The following ACACB variants were observed in gnomAD, a reference collection of about 807,000 sequenced individuals.
ACACB encodes the protein acetyl-CoA carboxylase beta, also known as acetyl-CoA carboxylase 2.
ACACB carries 209 observed loss-of-function variants against 278.8 expected under a neutral mutation model. The observed-to-expected ratio is 0.75, with a 90% CI of 0.67 to 0.84. ACACB has a LOEUF of 0.84. Among genes scored for constraint, ACACB ranks in the 40% least tolerant of loss-of-function variants. ACACB has a pLI of 0.00. For missense variants in ACACB, 2,850 were observed against 3,269.0 expected (o/e 0.87, Z 3.13); for synonymous variants, 1,174 against 1,285.6 (o/e 0.91, Z 1.86).
In ACACB at chr12:109,237,348, G is replaced by A. The variant is rs374544605; in HGVS notation, c.4630G>A (p.Ala1544Thr). The A allele has an allele frequency of 1.1e-5, 18 of 1,613,996 alleles. No individual in the cohort carries two copies. Among genetic ancestry groups the A allele is most frequent in the African/African-American group, 4.0e-5 (3 of 74,898 alleles). ...GACGGACCATAGGTTCTTCATCCGCGCCATCATCAGGCACTCTGACCTGAT... is the reference window on the plus strand; with the variant it reads ...GACGGACCATAGGTTCTTCATCCGCACCATCATCAGGCACTCTGACCTGAT... Reference protein sequence around the residue: ...EVTDHRFFIRAIIRHSDLITK... With the variant: ...EVTDHRFFIRTIIRHSDLITK... Residue 1544 changes from alanine (A) to threonine (T), a missense_variant, in exon 34 of 53, where the codon GCC becomes ACC. Transcript: ENST00000338432.
intron 48 of ACACB, among the ~76,000 whole-genome samples, chr12:109,261,084 C>A (rs1382503241): frequency 6.6e-6 from 1 of 152,184 alleles, no homozygotes; most frequent in East Asian, 1.9e-4. Context: ...GGAGAGGTAA[C>A]CTCCTTGGCA....
At chr12:109,121,771 A>G (rs2042554844) in intron 1 of ACACB, among the ~76,000 whole-genome samples, 7 of 152,154 alleles carry the variant, frequency 4.6e-5, no homozygotes. Flanking sequence ...GCAAGTGTTC[A>G]CTGACCCTGA....
intron 11 of ACACB, among the ~76,000 whole-genome samples, chr12:109,180,831 A>T (rs964953717): frequency 2.0e-5 from 3 of 152,122 alleles, no homozygotes; most frequent in African/African-American, 7.2e-5. Flanking sequence ...TATTCCAATT[A>T]TACTCTTTTA....
At chr12:109,156,308 C>G (rs531462765) in intron 2 of ACACB, among the ~76,000 whole-genome samples, 2 of 151,920 alleles carry the variant, frequency 1.3e-5, no homozygotes, top group South Asian at 4.2e-4. Context: ...GGCAGGAGAA[C>G]TGCTTGAACT....
chr12:109,139,277 C>T (rs888333193), intron 1 of ACACB, 120 bp from the exon 2 acceptor site: 23 of 907,326 alleles, frequency 2.5e-5, no homozygotes, highest in African/African-American at 1.2e-4. Context: ...CCATCTCTCC[C>T]CTCGTCCAGT....
Position 109,166,989 on chromosome 12 carries a change from A to G in ACACB, c.782A>G (p.Glu261Gly). ...CGCTTTGGGGGGGATCGGGTCATCGAGAAGGTACAGATGGGTCTCGGCACT... is the reference window on the plus strand; with the variant it reads ...CGCTTTGGGGGGGATCGGGTCATCGGGAAGGTACAGATGGGTCTCGGCACT... ...VTRFGGDRVIEKVLIANNGIA... is the reference protein window; with the variant it reads ...VTRFGGDRVIGKVLIANNGIA... The change falls in exon 3 of 53, where the codon GAG (glutamate) becomes GGG (glycine). Residue 261 changes from glutamate (E) to glycine (G), a missense_variant. Coordinates refer to ENST00000338432, the MANE Select transcript of ACACB (RefSeq NM_001093.4). The G allele has an allele frequency of 6.2e-7, 1 of 1,613,686 alleles. No individual in the cohort carries two copies. The highest frequency in any genetic ancestry group is 8.5e-7 in the Non-Finnish European group (1 of 1,179,928).
intron 28 of ACACB, among the ~76,000 whole-genome samples, chr12:109,230,166 T>G (rs905964350): frequency 1.3e-5 from 2 of 152,222 alleles, no homozygotes; most frequent in Admixed American, 6.5e-5. Context: ...AAAATAACTT[T>G]CTTTTCCTGT....
Position 109,262,950 on chromosome 12 carries a change from T to TTTTATATATATATATATATATA in ACACB, c.6787+482_6787+483insTTATATATATATATATATATAT, listed in dbSNP as rs1346750205. 7.2e-3 allele frequency: 448 copies of TTTTATATATATATATATATATA among 62,490 alleles called. 42 individuals are homozygous for TTTTATATATATATATATATATA. Among genetic ancestry groups the TTTTATATATATATATATATATA allele is most frequent in the Non-Finnish European group, 0.014 (361 of 25,650 alleles). The allele number at this position is 62,490 out of a possible 1,614,324, so 3.9% of individuals were successfully genotyped here. A position where few individuals can be genotyped will look rare whatever the true frequency, so the allele number is the denominator to read the frequency against. On this transcript the variant is annotated intron_variant, in intron 49 of 52. Transcript: ENST00000338432. ...CATTTCTAAATCAACCTTTTTAACA[T>TTTTATATATATATATATATATA]TATATATATATATATATATATATAT... is the stretch of plus-strand genomic sequence containing the variant.
intron 24 of ACACB, among the ~76,000 whole-genome samples, chr12:109,220,371 G>A (rs531046287): frequency 3.3e-5 from 5 of 152,120 alleles, no homozygotes; most frequent in African/African-American, 9.7e-5. Context: ...TGATTATTTC[G>A]AAATGAATTT....
intron 2 of ACACB, among the ~76,000 whole-genome samples, chr12:109,165,121 G>A (rs2043856117): frequency 6.6e-6 from 1 of 152,052 alleles, no homozygotes; most frequent in Admixed American, 6.6e-5. Context: ...ACTACTGGAG[G>A]ATATGCCCCA....
At chr12:109,200,289 T>A (rs758237296) in intron 18 of ACACB, among the ~76,000 whole-genome samples, 4 of 151,946 alleles carry the variant, frequency 2.6e-5, no homozygotes, top group African/African-American at 9.7e-5. Flanking sequence ...GCTCAAGTGA[T>A]CCTCCCACCT....
chr12:109,161,980 C>CTT (rs373338646), intron 2 of ACACB, among the ~76,000 whole-genome samples: 22 of 139,762 alleles, frequency 1.6e-4, no homozygotes, highest in South Asian at 2.3e-4. Context: ...ATGAAGTTCT[C>CTT]TTTTTTTTTT....
Position 109,254,309 on chromosome 12 carries a change from G to A in ACACB, c.6141G>A (p.Trp2047Ter), listed in dbSNP as rs749234124. 1 of 1,611,726 alleles carries A rather than the reference G, an allele frequency of 6.2e-7. No individual in the cohort carries two copies. The highest frequency in any genetic ancestry group is 1.7e-5 in the Admixed American group (1 of 59,806). The change falls in exon 44 of 53, where the codon TGG becomes TGA. Residue 2047 changes from tryptophan (W) to a stop codon, truncating the protein, a stop_gained. Coordinates refer to ENST00000338432, the MANE Select transcript of ACACB (RefSeq NM_001093.4). LOFTEE classifies it high-confidence loss of function. ...LPSRAPYDPR[W>*]MLAGRPHPTL... ...CCAGAGCTCCCTACGACCCCCGGTGGATGCTTGCAGGAAGGCCTCACCCAA... is the reference window on the plus strand; with the variant it reads ...CCAGAGCTCCCTACGACCCCCGGTGAATGCTTGCAGGAAGGCCTCACCCAA...
At chr12:109,124,628 T>C (rs1379975088) in intron 1 of ACACB, among the ~76,000 whole-genome samples, 2 of 152,248 alleles carry the variant, frequency 1.3e-5, no homozygotes, top group Non-Finnish European at 2.9e-5. Flanking sequence ...GATTATTGTT[T>C]CGTTACTATA....
intron 11 of ACACB, among the ~76,000 whole-genome samples, chr12:109,181,840 CTTTT>C (rs34174568): frequency 2.6e-4 from 21 of 81,580 alleles, no homozygotes; most frequent in East Asian, 3.9e-4. Flanking sequence ...TTTTCCTTTC[CTTTT>C]TTTTTTTTTT....
At chr12:109,178,355 T>C (rs2044343961) in intron 9 of ACACB, among the ~76,000 whole-genome samples, 1 of 152,208 alleles carries the variant, frequency 6.6e-6, no homozygotes, top group South Asian at 2.1e-4. Context: ...GTCCTTAGAT[T>C]CCACCCGGGA....
intron 18 of ACACB, 121 bp downstream of exon 18, chr12:109,199,673 G>A: frequency 9.3e-7 from 1 of 1,073,508 alleles, no homozygotes; most frequent in Non-Finnish European, 1.2e-6. Flanking sequence ...AAATTTCTAA[G>A]GGAATCAGTC....
chr12:109,210,257 G>C lies in ACACB; in HGVS notation c.3249+904G>C, dbSNP rs201363398. Among the ~76,000 whole-genome samples the C allele has an allele frequency of 5.7e-3, 315 of 55,618 alleles. 60 individuals carry two copies. Among genetic ancestry groups the C allele is most frequent in the African/African-American group, 0.03 (301 of 10,138 alleles). The allele number at this position is 55,618 out of a possible 152,430, so 36.5% of individuals were successfully genotyped here. On this transcript the variant is annotated intron_variant, in intron 21 of 52. Transcript: ENST00000338432. ...TGTATATATGTATATATACACACAT[G>C]TGTGTATATGTACATATACACACAC...
intron 28 of ACACB, among the ~76,000 whole-genome samples, chr12:109,228,968 A>AT (rs1031941292): frequency 1.4e-4 from 21 of 151,800 alleles, no homozygotes; most frequent in Admixed American, 3.9e-4. Context: ...TTATTTATTT[A>AT]TTTTTTTTGA....
Sources: allele counts gnomAD v4.1 joint callset (sites outside exome capture counted in the v4.1 genomes callset), GRCh38; gene constraint gnomAD v4.1.1; transcripts MANE v1.5; gene names NCBI Gene and HGNC (gene_info 2026-07-23, HGNC 2026-07-21).